Variants in TBC1D14 observed in about 807,000 individuals in gnomAD.
The protein encoded by TBC1D14 is TBC1 domain family member 14, also known as TBC1 domain family, member 14.
In TBC1D14, 26 loss-of-function variants were observed where a neutral mutation model predicts 79.0. The observed-to-expected ratio is 0.33, with a 90% CI of 0.24 to 0.46. The LOEUF is 0.46. Among genes scored for constraint, TBC1D14 ranks in the 20% least tolerant of loss-of-function variants. The probability of loss-of-function intolerance (pLI) is 1.00; values close to 1 mark genes in which losing one functional copy is unlikely to be tolerated. For missense variants in TBC1D14, 769 were observed against 887.6 expected, an observed-to-expected ratio of 0.87 and a Z score of 1.70; for synonymous variants, 394 against 349.9, an observed-to-expected ratio of 1.13 and a Z score of -1.40.
chr4:7,028,355 TG>T (rs1198782076), intron 13 of TBC1D14, among the ~76,000 whole-genome samples: 1 of 151,598 alleles, frequency 6.6e-6, no homozygotes, highest in Admixed American at 6.6e-5. Context: ...TTGTTATTAA[TG>T]GGATGGTGAT....
intron 2 of TBC1D14, among the ~76,000 whole-genome samples, chr4:6,934,363 G>C (rs1023294529): frequency 6.6e-6 from 1 of 152,088 alleles, no homozygotes; most frequent in African/African-American, 2.4e-5. Context: ...AAGGGGAGGG[G>C]CAACTGGGCA....
intron 2 of TBC1D14, among the ~76,000 whole-genome samples, chr4:6,929,104 G>A (rs1724512981): frequency 6.6e-6 from 1 of 152,206 alleles, no homozygotes; most frequent in African/African-American, 2.4e-5. Flanking sequence ...CTGCTGGTGT[G>A]TATGAGCTTG....
At chr4:6,968,950 CTG>C (rs1560292209) in intron 3 of TBC1D14, among the ~76,000 whole-genome samples, 1 of 152,164 alleles carries the variant, frequency 6.6e-6, no homozygotes, top group African/African-American at 2.4e-5. Context: ...GCTGGGTGAC[CTG>C]TTAGGTGTAG....
chr4:7,019,398 G>A (rs892872585), intron 12 of TBC1D14, among the ~76,000 whole-genome samples: 2 of 152,160 alleles, frequency 1.3e-5, no homozygotes, highest in African/African-American at 4.8e-5. Flanking sequence ...CTTGCACTTG[G>A]GTCGTCTCTG....
intron 3 of TBC1D14, among the ~76,000 whole-genome samples, chr4:6,968,561 A>T (rs552459446): frequency 7.0e-4 from 107 of 152,312 alleles, no homozygotes; most frequent in Middle Eastern, 3.4e-3. Flanking sequence ...ACAGCTGGAA[A>T]CCGGTCCCAG....
rs759423045 is a variant in TBC1D14, at chr4:7,030,483, G to A, written c.*91G>A. On this transcript the variant is annotated 3_prime_UTR_variant, in exon 14 of 14. Coordinates refer to ENST00000409757, the MANE Select transcript of TBC1D14 (RefSeq NM_020773.3). ...AGACTGACACCCGGGCAGCCGAGAA[G>A]AACAGACGCTCTTTAAGTTTGATTC... is the stretch of plus-strand genomic sequence containing the variant. The A allele has an allele frequency of 7.6e-7, 1 of 1,318,950 alleles. No homozygotes were observed. 81.7% of individuals were successfully genotyped at this position (1,318,950 alleles called of 1,614,324 possible). A position where few individuals can be genotyped will look rare whatever the true frequency, so the allele number is the denominator to read the frequency against.
chr4:6,945,712 G>A (rs1206606372), intron 2 of TBC1D14, among the ~76,000 whole-genome samples: 5 of 130,692 alleles, frequency 3.8e-5, no homozygotes, highest in Non-Finnish European at 7.7e-5. Context: ...TCGCGCCATT[G>A]CGCTCCAGCC....
rs778014156 is a variant in TBC1D14 at position 7,025,163 on chromosome 4, C to G, written c.1917C>G (p.Ala639=). 1 of 1,614,178 alleles carries G rather than the reference C, an allele frequency of 6.2e-7. No homozygotes were observed. Among genetic ancestry groups the G allele is most frequent in the South Asian group, 1.1e-5 (1 of 91,084 alleles). The change falls in exon 13 of 14, where the codon GCC becomes GCG. Residue 639 remains alanine, a synonymous_variant. Transcript: ENST00000409757. ...CCAAGATGGACTTCATTCACATGGCCCAGTTCCTGACCCGGCTGCCCGAGG... is the reference window on the plus strand; with the variant it reads ...CCAAGATGGACTTCATTCACATGGCGCAGTTCCTGACCCGGCTGCCCGAGG... ...ILTKMDFIHM[A]QFLTRLPEDL...
chr4:6,925,202 G>GGTT (rs575663165), intron 2 of TBC1D14, among the ~76,000 whole-genome samples: 6 of 152,188 alleles, frequency 3.9e-5, no homozygotes, highest in Non-Finnish European at 7.3e-5. Context: ...AGGAGGCAGA[G>GGTT]GTTGCGGTGA....
chr4:6,953,023 CTTT>C (rs371101904), intron 2 of TBC1D14, among the ~76,000 whole-genome samples: 8 of 107,102 alleles, frequency 7.5e-5, no homozygotes, highest in African/African-American at 2.6e-4. Flanking sequence ...TTTTTTCTTT[CTTT>C]TTTTTTTTTT....
chr4:6,980,720 CTT>C (rs530654410), intron 3 of TBC1D14, among the ~76,000 whole-genome samples: 7 of 145,136 alleles, frequency 4.8e-5, no homozygotes, highest in South Asian at 2.2e-4. Context: ...AATAACTTGT[CTT>C]TTTTTTTTTT....
chr4:7,022,099 G>C (rs1421821675), intron 12 of TBC1D14, among the ~76,000 whole-genome samples: 1 of 152,270 alleles, frequency 6.6e-6, no homozygotes, highest in Non-Finnish European at 1.5e-5. Flanking sequence ...GAGCACCTCT[G>C]AGCAGTCCCT....
chr4:7,025,788 C>G (rs1722305742), intron 13 of TBC1D14, among the ~76,000 whole-genome samples: 1 of 152,222 alleles, frequency 6.6e-6, no homozygotes. Context: ...CCTCTCTGGG[C>G]TGAGTGCCCC....
chr4:6,921,413 C>T (rs139671530), intron 1 of TBC1D14, among the ~76,000 whole-genome samples: 228 of 152,098 alleles, frequency 1.5e-3, no homozygotes, highest in African/African-American at 5.0e-3. Context: ...CCATTGTTGC[C>T]GAGGCTTGCT....
At chr4:6,964,200 C>T (rs1040240236) in intron 2 of TBC1D14, among the ~76,000 whole-genome samples, 1 of 152,180 alleles carries the variant, frequency 6.6e-6, no homozygotes, top group Admixed American at 6.5e-5. Flanking sequence ...TCCTCTTAGT[C>T]GTCCTCCTGC....
chr4:6,968,853 G>C (rs991839019), intron 3 of TBC1D14, among the ~76,000 whole-genome samples: 2 of 152,372 alleles, frequency 1.3e-5, no homozygotes, highest in Admixed American at 6.5e-5. Flanking sequence ...GACCAGCCCA[G>C]GCAAGAGAAA....
In TBC1D14 at chr4:6,967,157, C is replaced by CTG. The variant is rs1333007371; in HGVS notation, c.723-143_723-142dup. On this transcript the variant is annotated intron_variant, in intron 2 of 13. Transcript: ENST00000409757. Reference sequence around the variant, plus strand: ...AAGGTCTTTCTCCTGCCGCGTAATTCTGTGTCTGTATGAAAATCAAGTCTG... The same window carrying CTG: ...AAGGTCTTTCTCCTGCCGCGTAATTCTGTGTGTCTGTATGAAAATCAAGTCTG... 22 of 1,113,762 alleles carry CTG rather than the reference C, an allele frequency of 2.0e-5. No individual in the cohort carries two copies. The African/African-American group carries it at 3.2e-4, about 16-fold the overall frequency. The allele number at this position is 1,113,762 out of a possible 1,614,324, so 69.0% of individuals were successfully genotyped here. A position where few individuals can be genotyped will look rare whatever the true frequency, so the allele number is the denominator to read the frequency against.
Position 7,013,154 on chromosome 4 carries a change from T to A in TBC1D14, c.1648-1294T>A, listed in dbSNP as rs557454665. ...TGGGGTCTTCATGACAGCAGCAGAT[T>A]TTCTCCCTGGCAGCCCCGTTGAACT... On this transcript the variant is annotated intron_variant, in intron 11 of 13. Coordinates refer to ENST00000409757, the MANE Select transcript of TBC1D14 (RefSeq NM_020773.3). Among the ~76,000 whole-genome samples, 5 of 152,236 alleles carry A rather than the reference T, an allele frequency of 3.3e-5. No individual in the cohort carries two copies. The East Asian group carries it at 9.7e-4, about 29-fold the overall frequency.
At chr4:6,994,409 G>A (rs1718802357) in intron 4 of TBC1D14, 107 bp downstream of exon 4, 2 of 953,042 alleles carry the variant, frequency 2.1e-6, no homozygotes, top group Non-Finnish European at 3.4e-6. Context: ...GGGGAGAAGA[G>A]TAAGCCAGAA....
Sources: gnomAD v4.1 joint callset for allele counts (sites outside exome capture counted in the v4.1 genomes callset) on GRCh38, gnomAD v4.1.1 for gene constraint, MANE v1.5 for transcripts, NCBI Gene and HGNC (gene_info 2026-07-23, HGNC 2026-07-21) for gene names.